Variants in COL13A1 observed in about 807,000 individuals in gnomAD.
COL13A1 encodes the protein collagen alpha-1(XIII) chain.
In COL13A1, 89 loss-of-function variants were observed where a neutral mutation model predicts 130.9. That is an observed-to-expected ratio of 0.68 (90% confidence interval 0.57 to 0.81). The LOEUF is 0.81. COL13A1 is among the 30% of genes least tolerant of loss of function. The pLI, the probability that COL13A1 is intolerant of heterozygous loss-of-function variation, is 0.00. For missense variants in COL13A1, 879 were observed against 934.6 expected, an observed-to-expected ratio of 0.94 and a Z score of 0.78; for synonymous variants, 402 against 341.6, an observed-to-expected ratio of 1.18 and a Z score of -1.95.
At chr10:69,865,441 A>G (rs2058430076) in intron 2 of COL13A1, among the ~76,000 whole-genome samples, 1 of 152,202 alleles carries the variant, frequency 6.6e-6, no homozygotes, top group African/African-American at 2.4e-5. Context: ...TTTGATGAAA[A>G]TTGGCAGGGG....
intron 2 of COL13A1, among the ~76,000 whole-genome samples, chr10:69,840,514 C>T (rs1851319432): frequency 6.6e-6 from 1 of 152,162 alleles, no homozygotes; most frequent in Non-Finnish European, 1.5e-5. Flanking sequence ...CCTGAGTTCC[C>T]CTCCCCACCT....
In COL13A1 at chr10:69,804,809, C is replaced by CAAAAAAAA. The variant is rs57098368; in HGVS notation, c.294+2118_294+2125dup. On this transcript the variant is annotated intron_variant, in intron 1 of 40. Coordinates refer to ENST00000645393, the MANE Select transcript of COL13A1 (RefSeq NM_001368882.1). Reference sequence around the variant, plus strand: ...AAATGGGCAGTGACCATGTCGTGTGCAAAAAAAAAAAAAAAAAAAAAAAAA... The same window carrying CAAAAAAAA: ...AAATGGGCAGTGACCATGTCGTGTGCAAAAAAAAAAAAAAAAAAAAAAAAAAAAAAAAA... Among the ~76,000 whole-genome samples the CAAAAAAAA allele has an allele frequency of 1.9e-3, 141 of 75,360 alleles. 3 individuals are homozygous for CAAAAAAAA. The highest frequency in any genetic ancestry group is 2.6e-3 in the East Asian group (6 of 2,310). The allele number at this position is 75,360 out of a possible 152,430, so 49.4% of individuals were successfully genotyped here. A position where few individuals can be genotyped will look rare whatever the true frequency, so the allele number is the denominator to read the frequency against.
intron 27 of COL13A1, 56 bp from the exon 28 acceptor site, chr10:69,928,881 C>G: frequency 7.2e-7 from 1 of 1,393,134 alleles, no homozygotes; most frequent in Non-Finnish European, 1.0e-6. Flanking sequence ...CCTCAGGGCA[C>G]AGGCTACCCT....
intron 20 of COL13A1, among the ~76,000 whole-genome samples, 191 bp from the exon 21 acceptor site, chr10:69,919,474 A>G (rs1310389509): frequency 1.3e-5 from 2 of 152,256 alleles, no homozygotes; most frequent in Non-Finnish European, 2.9e-5. Context: ...CTAAATGTGC[A>G]TTGAGGAGCT....
At chr10:69,878,581 A>G (rs953329553) in intron 6 of COL13A1, among the ~76,000 whole-genome samples, 2 of 152,100 alleles carry the variant, frequency 1.3e-5, no homozygotes, top group African/African-American at 4.8e-5. Context: ...TCCTGGGTTC[A>G]AGCAATTCTC....
chr10:69,911,663 G>A (rs540282909), intron 17 of COL13A1, among the ~76,000 whole-genome samples: 6 of 152,366 alleles, frequency 3.9e-5, no homozygotes, highest in Admixed American at 3.9e-4. Context: ...GAGAAGGCTG[G>A]ATTCAGGCCT....
At chr10:69,896,570 A>G (rs2061666448) in intron 13 of COL13A1, among the ~76,000 whole-genome samples, 1 of 152,200 alleles carries the variant, frequency 6.6e-6, no homozygotes, top group Non-Finnish European at 1.5e-5. Flanking sequence ...GAGTGGAGAC[A>G]GACATAAGCC....
intron 17 of COL13A1, among the ~76,000 whole-genome samples, chr10:69,912,972 T>A (rs2063541142): frequency 6.6e-6 from 1 of 152,220 alleles, no homozygotes; most frequent in African/African-American, 2.4e-5. Context: ...CTATCAATGC[T>A]GTGTGGTGCT....
chr10:69,907,440 G>A lies in COL13A1; in HGVS notation c.921+1618G>A, dbSNP rs183431575. Among the ~76,000 whole-genome samples the A allele has an allele frequency of 2.6e-5, 4 of 152,316 alleles. No homozygotes were observed. In the East Asian group the frequency reaches 7.7e-4, roughly 29 times the overall value. On this transcript the variant is annotated intron_variant, in intron 17 of 40. Transcript: ENST00000645393. ...CCATATCTGGTGAGGACCTTCTTGT[G>A]TCATCCCATGGTGGACAGTGGAAGG...
intron 34 of COL13A1, among the ~76,000 whole-genome samples, chr10:69,939,565 A>G (rs1400008189): frequency 2.0e-5 from 3 of 152,082 alleles, no homozygotes; most frequent in Non-Finnish European, 4.4e-5. Context: ...GTTTTATTCT[A>G]TGTAGTAGCA....
rs768058364 is a variant in COL13A1 at position 69,937,694 on chromosome 10, C to A, written c.1857C>A (p.Asp619Glu). ...GEKGFQGEKG[D>E]RGPLGLPGAS... ...AAGGCTTCCAGGGAGAAAAAGGAGACCGTGGTCCCCTGGGACTACCCGTAA... is the reference window on the plus strand; with the variant it reads ...AAGGCTTCCAGGGAGAAAAAGGAGAACGTGGTCCCCTGGGACTACCCGTAA... Residue 619 changes from aspartate (D) to glutamate (E), a missense_variant, in exon 34 of 41, where the codon GAC (aspartate) becomes GAA (glutamate). By Grantham distance (45) the Asp-to-Glu change is conservative. This residue lies in a region of COL13A1 where 96 missense variants were observed against 147.7 expected (regional missense o/e 0.65). Transcript: ENST00000645393. The A allele has an allele frequency of 1.3e-6, 2 of 1,567,936 alleles. No individual in the cohort carries two copies. Among genetic ancestry groups the A allele is most frequent in the African/African-American group, 1.4e-5 (1 of 73,972 alleles).
chr10:69,901,071 T>C (rs1355236476), intron 14 of COL13A1, among the ~76,000 whole-genome samples: 1 of 152,186 alleles, frequency 6.6e-6, no homozygotes, highest in African/African-American at 2.4e-5. Flanking sequence ...AGATTTGATG[T>C]GGTTGAAAAG....
At chr10:69,841,726 C>A (rs1233926323) in intron 2 of COL13A1, among the ~76,000 whole-genome samples, 1 of 152,118 alleles carries the variant, frequency 6.6e-6, no homozygotes, top group African/African-American at 2.4e-5. Context: ...AATCCTCAAG[C>A]GTCCTTGAGC....
chr10:69,866,978 G>A (rs1589166432), intron 2 of COL13A1, among the ~76,000 whole-genome samples: 1 of 152,150 alleles, frequency 6.6e-6, no homozygotes, highest in Non-Finnish European at 1.5e-5. Flanking sequence ...ATGTTCCGCA[G>A]AAGCGCCTTT....
intron 2 of COL13A1, among the ~76,000 whole-genome samples, chr10:69,822,880 T>C (rs10509315): frequency 3.3e-5 from 5 of 152,204 alleles, no homozygotes; most frequent in African/African-American, 4.8e-5. Context: ...AAGACCTTAT[T>C]TTCTATAGCT....
chr10:69,856,634 G>A (rs1004107857), intron 2 of COL13A1, among the ~76,000 whole-genome samples: 1 of 152,222 alleles, frequency 6.6e-6, no homozygotes, highest in Non-Finnish European at 1.5e-5. Flanking sequence ...GCTGCGTGAA[G>A]GAGAGGATGT....
chr10:69,845,714 G>C (rs1292758915), intron 2 of COL13A1, among the ~76,000 whole-genome samples: 1 of 151,450 alleles, frequency 6.6e-6, no homozygotes, highest in Non-Finnish European at 1.5e-5. Context: ...TTTGGAAAAA[G>C]ACATTTCACC....
At chr10:69,829,791 G>A (rs747984834) in intron 2 of COL13A1, among the ~76,000 whole-genome samples, 20 of 152,214 alleles carry the variant, frequency 1.3e-4, no homozygotes, top group African/African-American at 4.8e-5. Context: ...GGTGCTGCGC[G>A]GCTGCTAAAA....
intron 26 of COL13A1, 89 bp from the exon 27 acceptor site, chr10:69,926,998 G>T: frequency 6.3e-7 from 1 of 1,588,812 alleles, no homozygotes; most frequent in Non-Finnish European, 8.6e-7. Context: ...GAGGGGCCTA[G>T]CTCCCATGTT....
Sources: gnomAD v4.1 joint callset for allele counts (sites outside exome capture counted in the v4.1 genomes callset) on GRCh38, gnomAD v4.1.1 for gene constraint, gnomAD v4.1.1 regional missense constraint, MANE v1.5 for transcripts, NCBI Gene and HGNC (gene_info 2026-07-23, HGNC 2026-07-21) for gene names.